GPRASP3: variants seen among roughly 807,000 people sequenced by gnomAD.
GPRASP3 encodes G protein-coupled receptor associated sorting protein family member 3.
chrX:102,735,816 A>G, the GPRASP3 span, among the ~76,000 whole-genome samples: 1 of 112,852 alleles, frequency 8.9e-6, no homozygotes, highest in African/African-American at 3.2e-5. Flanking sequence ...ACTAGGCAAG[A>G]AATCCACATT....
the GPRASP3 span, among the ~76,000 whole-genome samples, chrX:102,732,293 C>T: frequency 8.9e-6 from 1 of 112,107 alleles, no homozygotes; most frequent in African/African-American, 3.2e-5. Flanking sequence ...GCAGGAACGT[C>T]ATTCCGTGGA....
chrX:102,737,583 G>A, the GPRASP3 span, among the ~76,000 whole-genome samples: 3 of 111,773 alleles, frequency 2.7e-5, no homozygotes, highest in Admixed American at 2.8e-4. Flanking sequence ...CTACCAGCAT[G>A]CCTGGCTGCT....
chrX:102,745,049 G>A, the GPRASP3 span, among the ~76,000 whole-genome samples: 1 of 111,406 alleles, frequency 9.0e-6, no homozygotes, highest in East Asian at 2.8e-4. Flanking sequence ...AGGGTGCAAG[G>A]CTGGGAGAAA....
chrX:102,737,715 CAA>C, the GPRASP3 span, among the ~76,000 whole-genome samples: 23 of 111,572 alleles, frequency 2.1e-4, no homozygotes, highest in African/African-American at 6.5e-4. Context: ...TTGAACTAGA[CAA>C]AAGTCATTTT....
At chrX:102,729,227 A>T in the GPRASP3 span, among the ~76,000 whole-genome samples, 2,672 of 110,066 alleles carry the variant, frequency 0.024, 86 homozygotes, top group African/African-American at 0.078. Flanking sequence ...TTCATTTTTT[A>T]AAAAAAAAGC....
At chrX:102,751,010 A>AGTGTGT in the GPRASP3 span, 2 of 135,374 alleles carry the variant, frequency 1.5e-5, no homozygotes, top group East Asian at 4.8e-4. Flanking sequence ...CTAGAGAGAG[A>AGTGTGT]GTGTGTGTGA....
chrX:102,737,847 G>T, the GPRASP3 span, among the ~76,000 whole-genome samples: 1 of 111,810 alleles, frequency 8.9e-6, no homozygotes, highest in South Asian at 3.7e-4. Flanking sequence ...TTCTCAGTTA[G>T]ATTTTTGCTA....
At chrX:102,721,190 G>C in the GPRASP3 span, 2 of 111,674 alleles carry the variant, frequency 1.8e-5, no homozygotes, top group Non-Finnish European at 3.8e-5. Flanking sequence ...GTATGTGTGG[G>C]TGGGGGAGGT....
the GPRASP3 span, among the ~76,000 whole-genome samples, chrX:102,740,237 G>A: frequency 9.0e-6 from 1 of 111,706 alleles, no homozygotes; most frequent in Non-Finnish European, 1.9e-5. Flanking sequence ...CCATTAGGGT[G>A]AGCTGAGAAA....
the GPRASP3 span, among the ~76,000 whole-genome samples, chrX:102,739,971 A>G: frequency 8.9e-6 from 1 of 112,216 alleles, no homozygotes; most frequent in Non-Finnish European, 1.9e-5. Context: ...GCAGACTTTC[A>G]CCCAAGGCAG....
chrX:102,734,500 C>T, the GPRASP3 span, among the ~76,000 whole-genome samples: 1 of 111,513 alleles, frequency 9.0e-6, no homozygotes, highest in African/African-American at 3.3e-5. Flanking sequence ...GCCTGTAGTC[C>T]CAGCTACTCA....
At chrX:102,737,123 T>C in the GPRASP3 span, among the ~76,000 whole-genome samples, 1 of 112,354 alleles carries the variant, frequency 8.9e-6, no homozygotes, top group Non-Finnish European at 1.9e-5. Flanking sequence ...AACCTTTTTT[T>C]CTTCAGAAAA....
At chrX:102,740,365 T>C in the GPRASP3 span, among the ~76,000 whole-genome samples, 1 of 112,063 alleles carries the variant, frequency 8.9e-6, no homozygotes, top group African/African-American at 3.3e-5. Context: ...CTCTGCCTGG[T>C]AATCCAGGGA....
At chrX:102,750,331 T>C in the GPRASP3 span, 1 of 1,209,566 alleles carries the variant, frequency 8.3e-7, no homozygotes, top group South Asian at 1.8e-5. Context: ...TGCCAATTAC[T>C]TTTCAGAGCT....
the GPRASP3 span, chrX:102,749,702 A>G: frequency 1.7e-6 from 2 of 1,211,181 alleles, no homozygotes; most frequent in South Asian, 1.8e-5. Flanking sequence ...TTTAGATCCC[A>G]GGCACCATCT....
At chrX:102,731,681 AAGAG>A in the GPRASP3 span, among the ~76,000 whole-genome samples, 1 of 110,810 alleles carries the variant, frequency 9.0e-6, no homozygotes, top group Non-Finnish European at 1.9e-5. Context: ...GTACGCTTGG[AAGAG>A]ACCCAAGCGT....
chrX:102,730,407 C>T, the GPRASP3 span, among the ~76,000 whole-genome samples: 22 of 112,550 alleles, frequency 2.0e-4, no homozygotes, highest in Non-Finnish European at 3.9e-4. Flanking sequence ...AGGCCATGGA[C>T]GGGTCCAGGT....
the GPRASP3 span, among the ~76,000 whole-genome samples, chrX:102,743,141 A>C: frequency 9.1e-6 from 1 of 110,269 alleles, no homozygotes; most frequent in African/African-American, 3.3e-5. Context: ...CTTTGTCCAC[A>C]GGGAATTTCC....
chrX:102,747,405 C>CTGTA, the GPRASP3 span, among the ~76,000 whole-genome samples: 2 of 111,762 alleles, frequency 1.8e-5, no homozygotes, highest in East Asian at 5.6e-4. Context: ...AGAACTCCTG[C>CTGTA]TGTATAAGCA....
Sources: gnomAD v4.1 joint callset for allele counts (sites outside exome capture counted in the v4.1 genomes callset) on GRCh38, gnomAD v4.1.1 for gene constraint, MANE v1.5 for transcripts, NCBI Gene and HGNC (gene_info 2026-07-23, HGNC 2026-07-21) for gene names.